GCSH: variants seen among roughly 807,000 people sequenced by gnomAD.
GCSH encodes glycine cleavage system H protein, mitochondrial.
GCSH carries 15 observed loss-of-function variants against 21.3 expected under a neutral mutation model. That is an observed-to-expected ratio of 0.70 (90% confidence interval 0.47 to 1.08). The LOEUF is 1.08. Among genes scored for constraint, GCSH ranks in the 50% least tolerant of loss-of-function variants. The pLI is 0.00. For missense variants in GCSH, 179 were observed against 217.5 expected, an observed-to-expected ratio of 0.82 and a Z score of 1.11; for synonymous variants, 59 against 84.5, an observed-to-expected ratio of 0.70 and a Z score of 1.66.
At chr16:81,093,776 G>C (rs1021904311) in intron 1 of GCSH, among the ~76,000 whole-genome samples, 2 of 152,124 alleles carry the variant, frequency 1.3e-5, no homozygotes, top group African/African-American at 4.8e-5. Context: ...GGGAGGCAGA[G>C]GTTGCAGTGA....
chr16:81,085,522 T>G (rs1282765146), intron 3 of GCSH, among the ~76,000 whole-genome samples: 3 of 152,018 alleles, frequency 2.0e-5, no homozygotes, highest in Non-Finnish European at 4.4e-5. Flanking sequence ...AAAAACAAAA[T>G]GAAAACTTTA....
At chr16:81,091,233 T>C (rs1452378976) in intron 1 of GCSH, 1 of 373,888 alleles carries the variant, frequency 2.7e-6, no homozygotes. Flanking sequence ...CTGGAACAAC[T>C]ATAATTTGAC....
intron 4 of GCSH, 167 bp from the exon 5 acceptor site, chr16:81,083,130 G>A: frequency 1.5e-6 from 1 of 649,116 alleles, no homozygotes; most frequent in East Asian, 2.8e-5. Context: ...TAAAATACTT[G>A]TATATAACAA....
At chr16:81,091,370 G>C (rs377106720) in intron 1 of GCSH, 2 of 285,700 alleles carry the variant, frequency 7.0e-6, no homozygotes, top group African/African-American at 4.6e-5. Context: ...TGGGTTGGTG[G>C]AGAATCAAGC....
At chr16:81,092,391 C>T (rs1470326770) in intron 1 of GCSH, among the ~76,000 whole-genome samples, 1 of 151,930 alleles carries the variant, frequency 6.6e-6, no homozygotes, top group Non-Finnish European at 1.5e-5. Context: ...CAGTGCTTGC[C>T]ACATAGCAAG....
At chr16:81,085,287 A>G (rs1351415785) in intron 3 of GCSH, among the ~76,000 whole-genome samples, 2 of 152,178 alleles carry the variant, frequency 1.3e-5, no homozygotes, top group African/African-American at 4.8e-5. Flanking sequence ...TGCTGGGATT[A>G]TAACCGTGAG....
intron 1 of GCSH, among the ~76,000 whole-genome samples, chr16:81,094,820 G>C (rs1398535223): frequency 6.6e-6 from 1 of 152,208 alleles, no homozygotes; most frequent in African/African-American, 2.4e-5. Context: ...TTGTTGGCCT[G>C]GCGCGGTGAC....
intron 2 of GCSH, 46 bp from the exon 3 acceptor site, chr16:81,087,710 T>A: frequency 1.5e-6 from 2 of 1,295,898 alleles, no homozygotes; most frequent in Non-Finnish European, 1.1e-6. Context: ...AAGTTATAAC[T>A]AAACCCTCCA....
intron 2 of GCSH, among the ~76,000 whole-genome samples, chr16:81,088,552 CCAT>C (rs1355908203): frequency 1.3e-5 from 2 of 152,166 alleles, no homozygotes; most frequent in Non-Finnish European, 2.9e-5. Flanking sequence ...GTGCCCACCA[CCAT>C]GCCTGGTTAA....
chr16:81,092,149 C>T (rs1249041582), intron 1 of GCSH, among the ~76,000 whole-genome samples: 1 of 152,092 alleles, frequency 6.6e-6, no homozygotes, highest in Non-Finnish European at 1.5e-5. Context: ...TTACTAACTA[C>T]TTCCGGTCTA....
chr16:81,095,964 G>C (rs1353412640), intron 1 of GCSH, among the ~76,000 whole-genome samples, 167 bp downstream of exon 1: 1 of 151,964 alleles, frequency 6.6e-6, no homozygotes, highest in Non-Finnish European at 1.5e-5. Flanking sequence ...GGGAGAAGCG[G>C]CCGCAGAGCC....
At chr16:81,093,576 C>T (rs977980050) in intron 1 of GCSH, among the ~76,000 whole-genome samples, 1 of 152,092 alleles carries the variant, frequency 6.6e-6, no homozygotes, top group Non-Finnish European at 1.5e-5. Context: ...AGCAGTGGCT[C>T]TCGCCTGTAA....
intron 1 of GCSH, among the ~76,000 whole-genome samples, chr16:81,094,686 A>G (rs12928790): frequency 0.029 from 4,462 of 152,256 alleles, 133 homozygotes; most frequent in African/African-American, 0.073. Flanking sequence ...GAATAAATTT[A>G]TCAACCATTC....
At chr16:81,096,059 G>A (rs981601234) in intron 1 of GCSH, 72 bp downstream of exon 1, 8 of 1,182,570 alleles carry the variant, frequency 6.8e-6, no homozygotes, top group East Asian at 3.2e-5. Flanking sequence ...GGCGTCCTCC[G>A]TGTCCCGCTG....
intron 4 of GCSH, chr16:81,083,539 C>A (rs1972212486): frequency 6.3e-6 from 1 of 159,532 alleles, no homozygotes; most frequent in African/African-American, 2.4e-5. Context: ...AAAATAAGTC[C>A]TTAAATATAT....
In GCSH at chr16:81,086,388, A is replaced by T. The variant is rs150122017; in HGVS notation, c.292+1213T>A. 3.0e-3 allele frequency among the ~76,000 whole-genome samples: 462 copies of T among 151,842 alleles called. 1 individual carries two copies. The highest frequency in any genetic ancestry group is 0.011 in the African/African-American group (445 of 41,400). ...CCTCTACCAAAACCTCGAAATAAAT[A>T]AATTAATTAATTTAAAAAATTAGCC... On this transcript the variant is annotated intron_variant, in intron 3 of 4. Transcript: ENST00000315467.
chr16:81,091,109 T>TAAA, intron 1 of GCSH: 2 of 367,590 alleles, frequency 5.4e-6, no homozygotes, highest in African/African-American at 4.3e-5. Flanking sequence ...TGATTTAACC[T>TAAA]AAAAAAAAAA....
At chr16:81,090,966 T>A in intron 1 of GCSH, 1 of 506,580 alleles carries the variant, frequency 2.0e-6, no homozygotes, top group South Asian at 1.9e-5. Context: ...CAAAAGAAAA[T>A]TTTGGAGCAT....
chr16:81,096,134 A>G lies in GCSH; in HGVS notation c.145T>C (p.Ser49Pro). ...RTLRTGPALL[S>P]VRKFTEKHEW... ...CCCACGTGCCCGCCGCGCTTACCCG[A>G]GAGCAGAGCGGGTCCAGTGCGCAGC... The change falls in exon 1 of 5, where the codon TCG becomes CCG. Residue 49 changes from serine to proline, a missense_variant. Coordinates refer to ENST00000315467, the MANE Select transcript of GCSH (RefSeq NM_004483.5). 1 of 1,260,422 alleles carries G rather than the reference A, an allele frequency of 7.9e-7. No individual in the cohort carries two copies. The highest frequency in any genetic ancestry group is 1.0e-6 in the Non-Finnish European group (1 of 1,003,512). 78.1% of individuals were successfully genotyped at this position (1,260,422 alleles called of 1,614,324 possible).
Sources: gnomAD v4.1 joint callset for allele counts (sites outside exome capture counted in the v4.1 genomes callset) on GRCh38, gnomAD v4.1.1 for gene constraint, MANE v1.5 for transcripts, NCBI Gene and HGNC (gene_info 2026-07-23, HGNC 2026-07-21) for gene names.